ADH6: variants seen among roughly 807,000 people sequenced by gnomAD.
ADH6 encodes the protein alcohol dehydrogenase 6.
Under a neutral mutation model 36.5 loss-of-function variants are expected in ADH6, and 34 were observed. The observed-to-expected ratio is 0.93, with a 90% CI of 0.71 to 1.24. The LOEUF (loss-of-function observed/expected upper bound fraction) is 1.24. ADH6 is among the 50% of genes most tolerant of loss of function. ADH6 has a pLI of 0.00. For missense variants in ADH6, 440 were observed against 447.0 expected (o/e 0.98, Z 0.14); for synonymous variants, 161 against 155.5 (o/e 1.04, Z -0.26).
At chr4:99,215,960 G>A (rs1180029869) in intron 2 of ADH6, 1 of 366,026 alleles carries the variant, frequency 2.7e-6, no homozygotes, top group Non-Finnish European at 4.8e-6. Flanking sequence ...TGGGCAGTTA[G>A]CCTATGCTTT....
At chr4:99,206,525 A>T (rs1461672133) in intron 7 of ADH6, among the ~76,000 whole-genome samples, 2 of 151,962 alleles carry the variant, frequency 1.3e-5, no homozygotes, top group Non-Finnish European at 2.9e-5. Context: ...AACTGAAATT[A>T]CAGTTCTTCT....
chr4:99,205,676 C>T lies in ADH6; in HGVS notation c.965-613G>A, dbSNP rs28720159. ...TTTAGCATTGTATTTTCTCTATTCC[C>T]GTGATTTTCAAGAAACACATTAAAT... On this transcript the variant is annotated intron_variant, in intron 7 of 8. Coordinates refer to ENST00000394899, the MANE Select transcript of ADH6 (RefSeq NM_001102470.2). Among the ~76,000 whole-genome samples, 829 of 152,144 alleles carry T rather than the reference C, an allele frequency of 5.4e-3. 11 individuals carry two copies. The highest frequency in any genetic ancestry group is 0.019 in the African/African-American group (804 of 41,540).
chr4:99,208,922 G>C lies in ADH6; in HGVS notation c.574C>G (p.Pro192Ala). The C allele has an allele frequency of 6.2e-7, 1 of 1,612,756 alleles. No homozygotes were observed. The highest frequency in any genetic ancestry group is 8.5e-7 in the Non-Finnish European group (1 of 1,179,414). ...CCAAACACAGCACAGGTAGAACCTG[G>C]AGTCACCTAAACACATACAGGCAGA... The part of the protein sequence containing the change: ...GAAINTAKVT[P>A]GSTCAVFGLG... The change falls in exon 6 of 9, where the codon CCA becomes GCA. Residue 192 changes from proline (P) to alanine (A), a missense_variant. Coordinates refer to ENST00000394899, the MANE Select transcript of ADH6 (RefSeq NM_001102470.2).
chr4:99,210,253 G>A lies in ADH6; in HGVS notation c.396C>T (p.Thr132=). Reference sequence around the variant, plus strand: ...AGTGATATATTGATTTTCCCTTGCAGGTAAACCTGCTGGTACCATCAGACA... The same window carrying A: ...AGTGATATATTGATTTTCCCTTGCAAGTAAACCTGCTGGTACCATCAGACA... ...QLMSDGTSRF[T]CKGKSIYHFG... is the part of the protein sequence containing the mutation. The change falls in exon 5 of 9, where the codon ACC becomes ACT. Residue 132 remains threonine, a synonymous_variant. Transcript: ENST00000394899. 6.2e-7 allele frequency: 1 copy of A among 1,613,708 alleles called. No individual in the cohort carries two copies. The highest frequency in any genetic ancestry group is 8.5e-7 in the Non-Finnish European group (1 of 1,179,840).
intron 5 of ADH6, among the ~76,000 whole-genome samples, chr4:99,209,483 T>C (rs536517025): frequency 6.6e-6 from 1 of 152,254 alleles, no homozygotes; most frequent in South Asian, 2.1e-4. Context: ...AGTTCTAAAA[T>C]TCAACAGCAC....
At chr4:99,209,075 C>T (rs1193190750) in intron 5 of ADH6, 147 bp from the exon 6 acceptor site, 2 of 888,300 alleles carry the variant, frequency 2.3e-6, no homozygotes, top group Admixed American at 3.1e-5. Context: ...ATTATAACTA[C>T]AAAGTTTTGA....
chr4:99,206,722 T>C (rs1731049852), intron 7 of ADH6, among the ~76,000 whole-genome samples: 1 of 152,090 alleles, frequency 6.6e-6, no homozygotes. Flanking sequence ...CTAATTCTCA[T>C]CTCTTTTTGC....
chr4:99,214,139 C>T (rs1342622718), intron 2 of ADH6, among the ~76,000 whole-genome samples: 1 of 152,058 alleles, frequency 6.6e-6, no homozygotes, highest in East Asian at 1.9e-4. Flanking sequence ...GCTTAAAATC[C>T]CAGCATCTCA....
chr4:99,213,525 A>T, intron 3 of ADH6, 81 bp downstream of exon 3: 1 of 1,316,290 alleles, frequency 7.6e-7, no homozygotes, highest in South Asian at 1.9e-5. Context: ...CTTGATCCTG[A>T]CATACTTAAG....
In ADH6 at chr4:99,208,807, A is replaced by C. The variant is rs1427246118; in HGVS notation, c.689T>G (p.Phe230Cys). The C allele has an allele frequency of 1.2e-6, 2 of 1,613,774 alleles. No homozygotes were observed. Among genetic ancestry groups the C allele is most frequent in the Non-Finnish European group, 1.7e-6 (2 of 1,179,814 alleles). ...AGCACCCAATTCCTGTGCCTTCTTA[A>C]ATTTCTCCTTGTTGACATCCACTCC... Reference protein sequence around the residue: ...IIGVDVNKEKFKKAQELGATE... With the variant: ...IIGVDVNKEKCKKAQELGATE... The change falls in exon 6 of 9, where the codon TTT becomes TGT. Residue 230 changes from phenylalanine (F) to cysteine (C), a missense_variant. Coordinates refer to ENST00000394899, the MANE Select transcript of ADH6 (RefSeq NM_001102470.2).
intron 6 of ADH6, among the ~76,000 whole-genome samples, chr4:99,208,060 A>G (rs1223656238): frequency 5.3e-5 from 8 of 152,122 alleles, no homozygotes; most frequent in Non-Finnish European, 8.8e-5. Context: ...TTACAGATAA[A>G]GGAATTTATG....
At position 99,207,553 on chromosome 4, in the gene ADH6, C is replaced by G; in HGVS notation, c.857G>C (p.Ser286Thr). The change falls in exon 7 of 9, where the codon AGC becomes ACC. Residue 286 changes from serine to threonine, a missense_variant. Physicochemically the swap from Ser to Thr is moderately conservative, Grantham distance 58. Coordinates refer to ENST00000394899, the MANE Select transcript of ADH6 (RefSeq NM_001102470.2). ...CCCAACAACCACACAGACCCCATAG[C>G]TCTCATTGCAGGAGGCGAGGGCAGC... ...LAAALASCNE[S>T]YGVCVVVGVL... is the part of the protein sequence containing the mutation. 6.2e-7 allele frequency: 1 copy of G among 1,613,370 alleles called. No individual in the cohort carries two copies. The highest frequency in any genetic ancestry group is 8.5e-7 in the Non-Finnish European group (1 of 1,179,612).
intron 5 of ADH6, among the ~76,000 whole-genome samples, chr4:99,209,689 AG>A (rs1177590803): frequency 6.6e-6 from 1 of 152,098 alleles, no homozygotes; most frequent in African/African-American, 2.4e-5. Context: ...ATATAATATT[AG>A]CTTCATGAGT....
chr4:99,216,692 A>C (rs886474991), intron 1 of ADH6, among the ~76,000 whole-genome samples: 3 of 151,984 alleles, frequency 2.0e-5, no homozygotes, highest in Admixed American at 6.6e-5. Flanking sequence ...TAAAAATACA[A>C]AAATTAGCCA....
At chr4:99,211,995 C>T (rs954277317) in intron 3 of ADH6, among the ~76,000 whole-genome samples, 1 of 152,076 alleles carries the variant, frequency 6.6e-6, no homozygotes, top group African/African-American at 2.4e-5. Flanking sequence ...GACCTTGAAA[C>T]GTGAGCAGAA....
chr4:99,218,766 C>T (rs1731537335), intron 1 of ADH6, among the ~76,000 whole-genome samples: 1 of 152,186 alleles, frequency 6.6e-6, no homozygotes, highest in African/African-American at 2.4e-5. Flanking sequence ...CTCTGGGAAG[C>T]CAAGCTGGGT....
Position 99,205,071 on chromosome 4 carries a change from TAC to T in ADH6, c.965-10_965-9del. On this transcript the variant is annotated splice_polypyrimidine_tract_variant and intron_variant, in intron 7 of 8. Coordinates refer to ENST00000394899, the MANE Select transcript of ADH6 (RefSeq NM_001102470.2). ...GCTGTCTGCTCTTCCAGCCTGGAAA[TAC>T]AGATTAATGATGAATTTTACACATG... 1 of 1,557,606 alleles carries T rather than the reference TAC, an allele frequency of 6.4e-7. No homozygotes were observed. The highest frequency in any genetic ancestry group is 8.7e-7 in the Non-Finnish European group (1 of 1,155,038).
chr4:99,216,113 CTGGCTTT>C, intron 2 of ADH6, 41 bp downstream of exon 2: 1 of 1,166,254 alleles, frequency 8.6e-7, no homozygotes. Flanking sequence ...GTAAGAAGCT[CTGGCTTT>C]TGGCTTTTGG....
Position 99,204,169 on chromosome 4 carries a change from C to A in ADH6, c.*50G>T, listed in dbSNP as rs147697570. 1 of 1,558,508 alleles carries A rather than the reference C, an allele frequency of 6.4e-7. No homozygotes were observed. Among genetic ancestry groups the A allele is most frequent in the Admixed American group, 1.8e-5 (1 of 54,602 alleles). On this transcript the variant is annotated 3_prime_UTR_variant, in exon 9 of 9. Transcript: ENST00000394899. ...TAAATCATGAAAATTACATCAAATGCCATTGAGTTGGTGAAATATCCTTTG... is the reference window on the plus strand; with the variant it reads ...TAAATCATGAAAATTACATCAAATGACATTGAGTTGGTGAAATATCCTTTG...
Sources: allele counts gnomAD v4.1 joint callset (sites outside exome capture counted in the v4.1 genomes callset), GRCh38; gene constraint gnomAD v4.1.1; transcripts MANE v1.5; gene names NCBI Gene and HGNC (gene_info 2026-07-23, HGNC 2026-07-21).